Variants in EYS observed in about 807,000 individuals in gnomAD.
The protein encoded by EYS is EGF-like photoreceptor maintenance factor, also known as protein eyes shut homolog.
EYS carries 250 observed loss-of-function variants against 282.1 expected under a neutral mutation model. That is an observed-to-expected ratio of 0.89 (90% CI 0.80 to 0.98). The LOEUF is 0.98. EYS is among the 50% of genes least tolerant of loss of function. The pLI is 0.00. For synonymous variants in EYS, 1,355 were observed against 1,282.9 expected, an observed-to-expected ratio of 1.06 and a Z score of -1.20; for missense variants, 4,016 against 3,709.0, an observed-to-expected ratio of 1.08 and a Z score of -2.15.
chr6:63,930,787 C>G (rs953197048), intron 35 of EYS, among the ~76,000 whole-genome samples: 1 of 152,080 alleles, frequency 6.6e-6, no homozygotes, highest in Non-Finnish European at 1.5e-5. Context: ...TCGGTCACCA[C>G]AGGCATAAAT....
chr6:64,101,668 A>G (rs1005491670), intron 31 of EYS, among the ~76,000 whole-genome samples: 1 of 152,032 alleles, frequency 6.6e-6, no homozygotes, highest in African/African-American at 2.4e-5. Context: ...GGCACCAGAG[A>G]CTAGTTTCAT....
At chr6:65,577,367 C>T (rs1764709846) in intron 2 of EYS, among the ~76,000 whole-genome samples, 1 of 151,816 alleles carries the variant, frequency 6.6e-6, no homozygotes, top group Non-Finnish European at 1.5e-5. Context: ...ACTGAGAAAA[C>T]TGGATATCCC....
chr6:65,419,471 C>T (rs1767370471), intron 5 of EYS, among the ~76,000 whole-genome samples: 1 of 151,668 alleles, frequency 6.6e-6, no homozygotes, highest in South Asian at 2.1e-4. Flanking sequence ...AGAGAATTAA[C>T]CTCCAAAAAC....
chr6:64,256,420 G>A (rs567372788), intron 30 of EYS, among the ~76,000 whole-genome samples: 1 of 151,990 alleles, frequency 6.6e-6, no homozygotes, highest in Admixed American at 6.6e-5. Context: ...CAGCCTACTA[G>A]GGGTTCACAA....
At chr6:64,030,607 C>T (rs1244404163) in intron 33 of EYS, among the ~76,000 whole-genome samples, 5 of 152,160 alleles carry the variant, frequency 3.3e-5, no homozygotes, top group Admixed American at 3.3e-4. Flanking sequence ...CTTCTGAAAT[C>T]AGATGCCTTT....
At chr6:65,483,712 C>T (rs1451460012) in intron 5 of EYS, among the ~76,000 whole-genome samples, 3 of 152,134 alleles carry the variant, frequency 2.0e-5, no homozygotes, top group South Asian at 2.1e-4. Context: ...CATTTTCATG[C>T]TGCTGATTAA....
intron 28 of EYS, among the ~76,000 whole-genome samples, chr6:64,399,579 A>T (rs990757412): frequency 6.6e-6 from 1 of 152,054 alleles, no homozygotes; most frequent in African/African-American, 2.4e-5. Context: ...ATTGAATCAA[A>T]TTATAAGCAA....
intron 12 of EYS, among the ~76,000 whole-genome samples, chr6:65,076,433 G>A (rs1202200897): frequency 6.6e-6 from 1 of 151,820 alleles, no homozygotes; most frequent in Non-Finnish European, 1.5e-5. Context: ...TAGGGTATGA[G>A]GCATCCCATT....
intron 31 of EYS, among the ~76,000 whole-genome samples, chr6:64,111,601 G>C (rs1240775473): frequency 3.3e-5 from 5 of 152,076 alleles, no homozygotes; most frequent in African/African-American, 1.2e-4. Flanking sequence ...TCATTGTGGA[G>C]ATAGGGAGAG....
intron 26 of EYS, among the ~76,000 whole-genome samples, chr6:64,488,434 G>T (rs1776641160): frequency 6.6e-6 from 1 of 151,058 alleles, no homozygotes; most frequent in South Asian, 2.1e-4. Flanking sequence ...TGCTATTGTG[G>T]TTGGCACCAT....
chr6:64,382,042 G>A (rs770920225), intron 29 of EYS, among the ~76,000 whole-genome samples: 2 of 151,990 alleles, frequency 1.3e-5, no homozygotes, highest in Non-Finnish European at 2.9e-5. Flanking sequence ...TTTGGTTTCA[G>A]TTTTAGCCCT....
chr6:63,948,728 C>T (rs894330412), intron 35 of EYS, among the ~76,000 whole-genome samples: 1 of 151,972 alleles, frequency 6.6e-6, no homozygotes, highest in Non-Finnish European at 1.5e-5. Flanking sequence ...GGTTCCAAAC[C>T]AGGGACAAAA....
intron 2 of EYS, among the ~76,000 whole-genome samples, chr6:65,636,093 A>G (rs1023665060): frequency 6.6e-6 from 1 of 152,168 alleles, no homozygotes; most frequent in Non-Finnish European, 1.5e-5. Flanking sequence ...GGAAGAACTG[A>G]TCAAGCAATT....
At chr6:64,125,462 A>G (rs1773746603) in intron 31 of EYS, among the ~76,000 whole-genome samples, 2 of 151,408 alleles carry the variant, frequency 1.3e-5, no homozygotes, top group African/African-American at 4.9e-5. Flanking sequence ...GCATGAAGGG[A>G]AGTGGAAGGA....
At chr6:64,338,841 C>A (rs1164511695) in intron 29 of EYS, among the ~76,000 whole-genome samples, 9 of 151,876 alleles carry the variant, frequency 5.9e-5, no homozygotes, top group Admixed American at 5.9e-4. Context: ...ATACTTACAG[C>A]CAACTGATCT....
In EYS at chr6:63,938,829, C is replaced by A. The variant is rs557351575; in HGVS notation, c.7055+45554G>T. ...TAAGTCACACGTGTACTCAAGGGTG[C>A]TGAGTTGGATGAGCACATATTTTAC... On this transcript the variant is annotated intron_variant, in intron 35 of 42. Transcript: ENST00000503581. 7.9e-5 allele frequency among the ~76,000 whole-genome samples: 12 copies of A among 152,302 alleles called. No individual in the cohort carries two copies. The South Asian group carries it at 2.5e-3, about 32-fold the overall frequency.
intron 13 of EYS, among the ~76,000 whole-genome samples, chr6:65,024,963 T>C (rs1458256676): frequency 6.6e-6 from 1 of 152,214 alleles, no homozygotes; most frequent in African/African-American, 2.4e-5. Flanking sequence ...AAGCCTAAAA[T>C]TGAATCAAAT....
At chr6:63,909,783 C>G (rs1773870136) in intron 35 of EYS, among the ~76,000 whole-genome samples, 1 of 152,152 alleles carries the variant, frequency 6.6e-6, no homozygotes, top group South Asian at 2.1e-4. Flanking sequence ...CCCAGAAATT[C>G]CTATTAAGCT....
intron 1 of EYS, among the ~76,000 whole-genome samples, chr6:65,686,898 A>G (rs576233370): frequency 6.6e-6 from 1 of 152,178 alleles, no homozygotes; most frequent in African/African-American, 2.4e-5. Context: ...GCTTGGTGAC[A>G]ACATGAAAAA....
Sources: allele counts gnomAD v4.1 joint callset (sites outside exome capture counted in the v4.1 genomes callset), GRCh38; gene constraint gnomAD v4.1.1; transcripts MANE v1.5; gene names NCBI Gene and HGNC (gene_info 2026-07-23, HGNC 2026-07-21).